Variants in FHIT observed in about 807,000 individuals in gnomAD.
The protein encoded by FHIT is fragile histidine triad diadenosine triphosphatase, also known as bis(5'-adenosyl)-triphosphatase.
A neutral mutation model predicts 17.9 loss-of-function variants in FHIT; 19 were observed. The observed-to-expected ratio is 1.06, with a 90% CI of 0.74 to 1.56. FHIT has a LOEUF of 1.56. Ranked by LOEUF, FHIT falls within the 40% of genes most tolerant of loss-of-function variation. The pLI, the probability that FHIT is intolerant of heterozygous loss-of-function variation, is 0.00. For synonymous variants in FHIT, 81 were observed against 69.7 expected (o/e 1.16, Z -0.81); for missense variants, 248 against 189.2 (o/e 1.31, Z -1.82).
chr3:60,673,957 G>T (rs1273194386), intron 4 of FHIT, among the ~76,000 whole-genome samples: 1 of 151,790 alleles, frequency 6.6e-6, no homozygotes, highest in Non-Finnish European at 1.5e-5. Context: ...CACTATATTT[G>T]GGAAAATTTG....
At chr3:60,011,350 A>G (rs761330908) in intron 7 of FHIT, 21 bp downstream of exon 7, 1 of 1,611,474 alleles carries the variant, frequency 6.2e-7, no homozygotes, top group South Asian at 1.1e-5. Flanking sequence ...ATTAATTTGT[A>G]TGCACATAAT....
chr3:59,752,386 G>A (rs527572286), intron 8 of FHIT, 65 bp from the exon 9 acceptor site: 112 of 1,283,026 alleles, frequency 8.7e-5, no homozygotes, highest in Middle Eastern at 2.1e-4. Context: ...AACAAATTTC[G>A]GGGGGCTGGG....
chr3:60,148,043 G>C (rs1205762798), intron 5 of FHIT, among the ~76,000 whole-genome samples: 2 of 152,150 alleles, frequency 1.3e-5, no homozygotes, highest in Non-Finnish European at 2.9e-5. Context: ...TAGATTAATG[G>C]AGGAAACAAA....
intron 5 of FHIT, among the ~76,000 whole-genome samples, chr3:60,488,605 A>C (rs2033938784): frequency 6.6e-6 from 1 of 152,106 alleles, no homozygotes; most frequent in African/African-American, 2.4e-5. Context: ...GGTAGGGGAT[A>C]TTCTCAGAGC....
At chr3:59,982,216 T>A (rs985354594) in intron 7 of FHIT, among the ~76,000 whole-genome samples, 1 of 152,106 alleles carries the variant, frequency 6.6e-6, no homozygotes, top group Non-Finnish European at 1.5e-5. Flanking sequence ...TGAATCCTAT[T>A]TGAATATTTA....
intron 4 of FHIT, among the ~76,000 whole-genome samples, chr3:60,780,989 T>C (rs1700366841): frequency 6.6e-6 from 1 of 152,020 alleles, no homozygotes; most frequent in Non-Finnish European, 1.5e-5. Context: ...TTGCTCACCC[T>C]CTCCAACAGT....
intron 3 of FHIT, among the ~76,000 whole-genome samples, chr3:60,858,892 C>T (rs1050971293): frequency 6.6e-6 from 1 of 152,112 alleles, no homozygotes; most frequent in African/African-American, 2.4e-5. Flanking sequence ...GCTGCAATGC[C>T]TAAGTGCAAC....
chr3:59,850,190 T>C (rs1701878115), intron 8 of FHIT, among the ~76,000 whole-genome samples: 1 of 152,196 alleles, frequency 6.6e-6, no homozygotes, highest in African/African-American at 2.4e-5. Context: ...TTGCAAAAAG[T>C]AAAGATGCTG....
intron 2 of FHIT, among the ~76,000 whole-genome samples, chr3:61,070,995 G>A (rs1165578143): frequency 1.3e-5 from 2 of 152,148 alleles, no homozygotes; most frequent in African/African-American, 4.8e-5. Context: ...CACTTATGGA[G>A]GTTTTTATTT....
chr3:60,646,902 C>A (rs1181955177), intron 4 of FHIT, among the ~76,000 whole-genome samples: 1 of 152,110 alleles, frequency 6.6e-6, no homozygotes. Flanking sequence ...ATTACATAAC[C>A]CAGAGCATAT....
intron 5 of FHIT, among the ~76,000 whole-genome samples, chr3:60,513,242 G>A (rs1005943054): frequency 6.6e-6 from 1 of 152,138 alleles, no homozygotes; most frequent in Admixed American, 6.6e-5. Flanking sequence ...AGATAAACAG[G>A]TGATCACTGA....
intron 5 of FHIT, among the ~76,000 whole-genome samples, chr3:60,087,482 C>T (rs1209532439): frequency 2.0e-5 from 3 of 152,202 alleles, no homozygotes; most frequent in Admixed American, 6.5e-5. Context: ...CACTCTGCTT[C>T]GCTTTTAATT....
At position 60,173,927 on chromosome 3, in the gene FHIT, T is replaced by A. The variant is rs1327016841; in HGVS notation, c.104-159775A>T. ...TATATATATATATATGTTTTTTTTT[T>A]TTTTTGAGATCGAGTCTCACTCTGT... On this transcript the variant is annotated intron_variant, in intron 5 of 9. Coordinates refer to ENST00000492590, the MANE Select transcript of FHIT (RefSeq NM_002012.4). Among the ~76,000 whole-genome samples, 48 of 80,298 alleles carry A rather than the reference T, an allele frequency of 6.0e-4. 1 individual carries two copies. Among genetic ancestry groups the A allele is most frequent in the South Asian group, 8.1e-4 (2 of 2,474 alleles). The allele number at this position is 80,298 out of a possible 152,430, so 52.7% of individuals were successfully genotyped here.
At chr3:59,772,055 C>G (rs1176872497) in intron 8 of FHIT, among the ~76,000 whole-genome samples, 1 of 152,218 alleles carries the variant, frequency 6.6e-6, no homozygotes, top group Non-Finnish European at 1.5e-5. Flanking sequence ...CTCGCACAAC[C>G]TTGACCAGGA....
intron 5 of FHIT, among the ~76,000 whole-genome samples, chr3:60,027,137 ACACACACAC>A (rs1700780199): frequency 8.6e-6 from 1 of 116,126 alleles, no homozygotes; most frequent in Non-Finnish European, 1.8e-5. Flanking sequence ...ACACACACAC[ACACACACAC>A]ACAAAATTAG....
chr3:60,842,641 A>ATTT (rs1702772960), intron 3 of FHIT, among the ~76,000 whole-genome samples: 4 of 47,204 alleles, frequency 8.5e-5, no homozygotes, highest in African/African-American at 2.2e-4. Flanking sequence ...ATATATATAT[A>ATTT]TATATTTTTT....
At chr3:60,870,151 G>A (rs1704345043) in intron 3 of FHIT, among the ~76,000 whole-genome samples, 2 of 151,988 alleles carry the variant, frequency 1.3e-5, no homozygotes, top group South Asian at 4.1e-4. Flanking sequence ...ACTATTTTCA[G>A]CATGTATGAG....
intron 2 of FHIT, among the ~76,000 whole-genome samples, chr3:61,090,009 A>G (rs887897517): frequency 6.6e-6 from 1 of 152,236 alleles, no homozygotes; most frequent in African/African-American, 2.4e-5. Flanking sequence ...ATGCCAATAC[A>G]TGATGAAGTT....
At chr3:61,170,939 G>C (rs530286882) in intron 2 of FHIT, among the ~76,000 whole-genome samples, 5 of 152,026 alleles carry the variant, frequency 3.3e-5, no homozygotes, top group African/African-American at 1.2e-4. Context: ...AAATCCCATT[G>C]GTATTATATA....
Sources: gnomAD v4.1 joint callset for allele counts (sites outside exome capture counted in the v4.1 genomes callset) on GRCh38, gnomAD v4.1.1 for gene constraint, MANE v1.5 for transcripts, NCBI Gene and HGNC (gene_info 2026-07-23, HGNC 2026-07-21) for gene names.